The following SEMA6A variants were observed in gnomAD, a reference collection of about 807,000 sequenced individuals.
SEMA6A encodes semaphorin-6A.
In SEMA6A, 25 loss-of-function variants were observed where a neutral mutation model predicts 96.8. That is an observed-to-expected ratio of 0.26 (90% CI 0.19 to 0.36). The LOEUF is 0.36. Ranked by LOEUF, SEMA6A falls within the 10% of genes least tolerant of loss-of-function variation. The pLI is 1.00. For synonymous variants in SEMA6A, 612 were observed against 518.0 expected (o/e 1.18, Z -2.46); for missense variants, 1,363 against 1,323.1 (o/e 1.03, Z -0.47).
chr5:116,480,946 A>C (rs1158024415), intron 11 of SEMA6A, among the ~76,000 whole-genome samples: 1 of 152,176 alleles, frequency 6.6e-6, no homozygotes, highest in Non-Finnish European at 1.5e-5. Flanking sequence ...TCAGGAGTCA[A>C]GGGTCATCCC....
chr5:116,447,391 C>G lies in SEMA6A; in HGVS notation c.2315G>C (p.Arg772Pro). 1 of 1,614,002 alleles carries G rather than the reference C, an allele frequency of 6.2e-7. No individual in the cohort carries two copies. Among genetic ancestry groups the G allele is most frequent in the South Asian group, 1.1e-5 (1 of 91,080 alleles). ...PTLQQKRKPS[R>P]GSREWERNQN... ...GTTCCTCTCCCACTCGCGGCTGCCG[C>G]GGCTGGGCTTCCGCTTCTGCTGCAG... Residue 772 changes from arginine (R) to proline (P), a missense_variant, in exon 19 of 19, where the codon CGC (arginine) becomes CCC (proline). This residue lies in a region of SEMA6A where 883 missense variants were observed against 763.6 expected (regional missense o/e 1.16). Transcript: ENST00000343348.
intron 9 of SEMA6A, among the ~76,000 whole-genome samples, chr5:116,487,463 ACT>A (rs1470666610): frequency 6.6e-6 from 1 of 151,994 alleles, no homozygotes; most frequent in Non-Finnish European, 1.5e-5. Flanking sequence ...AAAAATCAAA[ACT>A]CAATTTGATT....
rs1375147238 is a variant in SEMA6A at position 116,574,211 on chromosome 5, G to T, written c.-65C>A. The T allele has an allele frequency of 6.6e-6, 1 of 152,386 alleles. No homozygotes were observed. Among genetic ancestry groups the T allele is most frequent in the East Asian group, 1.9e-4 (1 of 5,130 alleles). 9.4% of individuals were successfully genotyped at this position (152,386 alleles called of 1,614,324 possible). ...TTTTCGGTGCATCGACGGACAGGCG[G>T]CCGGGGCTCGGAGCGAACTGGTACA... On this transcript the variant is annotated 5_prime_UTR_variant, in exon 1 of 19. Transcript: ENST00000343348.
Position 116,447,164 on chromosome 5 carries a change from C to T in SEMA6A, c.2542G>A (p.Ala848Thr), listed in dbSNP as rs754006049. Residue 848 changes from alanine to threonine, a missense_variant, in exon 19 of 19, where the codon GCC (alanine) becomes ACC (threonine). Ala to Thr is a moderately conservative substitution (Grantham distance 58). Around this residue, in one of 2 missense-constraint regions of SEMA6A, gnomAD observed 883 missense variants for 763.6 expected, o/e 1.16. Transcript: ENST00000343348. ...TTGATGGTCTTATACTCCAGTGTGG[C>T]GGCCTGGTCCTCCAGCGCCATCTGG... ...VAQMALEDQA[A>T]TLEYKTIKEH... 4.3e-6 allele frequency: 7 copies of T among 1,613,860 alleles called. 1 individual carries two copies. In the South Asian group the frequency reaches 4.4e-5, roughly 10 times the overall value.
chr5:116,494,805 C>T (rs536412211), intron 6 of SEMA6A, among the ~76,000 whole-genome samples: 2 of 152,352 alleles, frequency 1.3e-5, no homozygotes, highest in South Asian at 2.1e-4. Flanking sequence ...ATCACTGCCA[C>T]CTCTGCTTCC....
chr5:116,484,109 G>C (rs1045875401), intron 10 of SEMA6A, among the ~76,000 whole-genome samples: 7 of 149,736 alleles, frequency 4.7e-5, no homozygotes, highest in Non-Finnish European at 1.0e-4. Context: ...CATTTGTTTT[G>C]GAATTTCAGA....
intron 1 of SEMA6A, among the ~76,000 whole-genome samples, chr5:116,557,284 G>A (rs996166225): frequency 6.6e-5 from 10 of 152,160 alleles, no homozygotes; most frequent in African/African-American, 2.4e-4. Flanking sequence ...CTGCAGTGCA[G>A]TGGTCCAATC....
At chr5:116,501,654 G>A (rs1017429728) in intron 3 of SEMA6A, among the ~76,000 whole-genome samples, 3 of 152,278 alleles carry the variant, frequency 2.0e-5, no homozygotes, top group South Asian at 2.1e-4. Context: ...TTGGGAGGCC[G>A]AGGTGGGTGA....
intron 1 of SEMA6A, among the ~76,000 whole-genome samples, chr5:116,546,473 G>C (rs1047281815): frequency 1.3e-5 from 2 of 152,184 alleles, no homozygotes. Flanking sequence ...CCTTCAGTCA[G>C]TGTCTCTCAA....
intron 1 of SEMA6A, among the ~76,000 whole-genome samples, chr5:116,543,228 G>C (rs1241781595): frequency 6.6e-6 from 1 of 152,078 alleles, no homozygotes; most frequent in Non-Finnish European, 1.5e-5. Context: ...TAATGTTTTT[G>C]GAAAATTCTT....
rs555312571 is a variant in SEMA6A, at chr5:116,446,644, G to T, written c.3062C>A (p.Thr1021Lys). ...PPKPSFAPLS[T>K]SMKPNDACT ...ACACGCATCATTGGGCTTCATGGATGTGGAAAGGGGAGCAAAGGATGGTTT... is the reference window on the plus strand; with the variant it reads ...ACACGCATCATTGGGCTTCATGGATTTGGAAAGGGGAGCAAAGGATGGTTT... The change falls in exon 19 of 19, where the codon ACA (threonine) becomes AAA (lysine). Residue 1021 changes from threonine (T) to lysine (K), a missense_variant. Physicochemically the swap from Thr to Lys is moderately conservative, Grantham distance 78. Coordinates refer to ENST00000343348, the MANE Select transcript of SEMA6A (RefSeq NM_020796.5). 1.8e-4 allele frequency: 267 copies of T among 1,524,046 alleles called. 6 individuals are homozygous for T. The South Asian group carries it at 3.3e-3, about 19-fold the overall frequency. The allele number at this position is 1,524,046 out of a possible 1,614,324, so 94.4% of individuals were successfully genotyped here. A position where few individuals can be genotyped will look rare whatever the true frequency, so the allele number is the denominator to read the frequency against.
Position 116,446,248 on chromosome 5 carries a change from T to G in SEMA6A, c.*365A>C. ...TTCTGTTCACCTCTGTGCGTGTGTG[T>G]GTATGTGTTGTGTGCATGTGTGTGT... is the stretch of plus-strand genomic sequence containing the variant. On this transcript the variant is annotated 3_prime_UTR_variant, in exon 19 of 19. Transcript: ENST00000343348. 1 of 189,948 alleles carries G rather than the reference T, an allele frequency of 5.3e-6. No individual in the cohort carries two copies. Among genetic ancestry groups the G allele is most frequent in the Non-Finnish European group, 1.0e-5 (1 of 96,024 alleles). The allele number at this position is 189,948 out of a possible 1,614,324, so 11.8% of individuals were successfully genotyped here. A position where few individuals can be genotyped will look rare whatever the true frequency, so the allele number is the denominator to read the frequency against.
At chr5:116,528,004 G>A (rs1271234441) in intron 1 of SEMA6A, among the ~76,000 whole-genome samples, 1 of 152,122 alleles carries the variant, frequency 6.6e-6, no homozygotes, top group Non-Finnish European at 1.5e-5. Context: ...AACAACTTTT[G>A]CAAGACATAA....
At chr5:116,492,798 TATG>T (rs1429483137) in intron 6 of SEMA6A, among the ~76,000 whole-genome samples, 1 of 152,242 alleles carries the variant, frequency 6.6e-6, no homozygotes, top group Non-Finnish European at 1.5e-5. Flanking sequence ...GCTTGTGTGC[TATG>T]ATAAGACTTG....
chr5:116,474,020 A>G (rs879801596), intron 16 of SEMA6A, among the ~76,000 whole-genome samples: 5 of 152,206 alleles, frequency 3.3e-5, no homozygotes, highest in Non-Finnish European at 5.9e-5. Context: ...GGGACCTGAG[A>G]GCGTCCCCTA....
At chr5:116,562,879 T>A in intron 1 of SEMA6A, 2 of 627,314 alleles carry the variant, frequency 3.2e-6, no homozygotes, top group South Asian at 3.0e-5. Flanking sequence ...GGACAAAGAC[T>A]CCTGGACCTG....
chr5:116,493,638 A>G (rs1377029832), intron 6 of SEMA6A, among the ~76,000 whole-genome samples: 4 of 152,110 alleles, frequency 2.6e-5, no homozygotes, highest in African/African-American at 4.8e-5. Flanking sequence ...CAAGTGTAAG[A>G]TGGAAGATAA....
At chr5:116,567,473 A>G (rs1267188972) in intron 1 of SEMA6A, among the ~76,000 whole-genome samples, 5 of 152,196 alleles carry the variant, frequency 3.3e-5, no homozygotes, top group Non-Finnish European at 7.3e-5. Flanking sequence ...CTCAAGTAAA[A>G]ATAATACCTT....
In SEMA6A at chr5:116,488,177, G is replaced by A. The variant is rs746517416; in HGVS notation, c.675C>T (p.Ala225=). The A allele has an allele frequency of 4.3e-6, 7 of 1,610,586 alleles. No individual in the cohort carries two copies. The highest frequency in any genetic ancestry group is 2.2e-5 in the East Asian group (1 of 44,742). ...AGTAGATATAATCTCCGTAATCCACGGCTTGAACAAAGTATGGTTCTGTAG... is the reference window on the plus strand; with the variant it reads ...AGTAGATATAATCTCCGTAATCCACAGCTTGAACAAAGTATGGTTCTGTAG... The part of the protein sequence containing the change: ...KWLKEPYFVQ[A]VDYGDYIYFF... Residue 225 remains alanine, a synonymous_variant, in exon 9 of 19, where the codon GCC becomes GCT. Transcript: ENST00000343348.
Sources: gnomAD v4.1 joint callset for allele counts (sites outside exome capture counted in the v4.1 genomes callset) on GRCh38, gnomAD v4.1.1 for gene constraint, gnomAD v4.1.1 regional missense constraint, MANE v1.5 for transcripts, NCBI Gene and HGNC (gene_info 2026-07-23, HGNC 2026-07-21) for gene names.